VWC2L: variants seen among roughly 807,000 people sequenced by gnomAD.
VWC2L encodes von Willebrand factor C domain containing 2 like.
Under a neutral mutation model 21.6 loss-of-function variants are expected in VWC2L, and 10 were observed. The ratio of observed to expected loss-of-function variants is 0.46; its 90% CI spans 0.29 to 0.78. The LOEUF (loss-of-function observed/expected upper bound fraction) is 0.78. Among genes scored for constraint, VWC2L ranks in the 30% least tolerant of loss-of-function variants. The probability of loss-of-function intolerance (pLI) is 0.10; values close to 1 mark genes in which losing one functional copy is unlikely to be tolerated. For missense variants in VWC2L, 209 were observed against 277.1 expected, an observed-to-expected ratio of 0.75 and a Z score of 1.74; for synonymous variants, 96 against 94.3, an observed-to-expected ratio of 1.02 and a Z score of -0.10.
intron 3 of VWC2L, among the ~76,000 whole-genome samples, chr2:214,479,288 AT>A (rs1401974998): frequency 6.6e-6 from 1 of 152,218 alleles, no homozygotes; most frequent in Non-Finnish European, 1.5e-5. Flanking sequence ...TTCCATAAAA[AT>A]ATCTTATTTT....
intron 3 of VWC2L, among the ~76,000 whole-genome samples, chr2:214,526,855 C>T (rs1689347252): frequency 6.6e-6 from 1 of 152,152 alleles, no homozygotes; most frequent in Non-Finnish European, 1.5e-5. Flanking sequence ...CCCATTACTG[C>T]ATATATAACC....
chr2:214,519,759 G>A (rs1211773607), intron 3 of VWC2L, among the ~76,000 whole-genome samples: 1 of 152,008 alleles, frequency 6.6e-6, no homozygotes, highest in Non-Finnish European at 1.5e-5. Context: ...TGCTCTGAAG[G>A]TGCACATTCA....
At chr2:214,476,643 CA>C (rs774001750) in intron 3 of VWC2L, among the ~76,000 whole-genome samples, 1 of 152,188 alleles carries the variant, frequency 6.6e-6, no homozygotes, top group Non-Finnish European at 1.5e-5. Context: ...AGTGTGGAAA[CA>C]GTGATTAAAA....
intron 2 of VWC2L, among the ~76,000 whole-genome samples, chr2:214,433,537 G>T (rs911271586): frequency 2.6e-5 from 4 of 152,134 alleles, no homozygotes; most frequent in Admixed American, 2.0e-4. Flanking sequence ...GACATTTTCA[G>T]GTTTCATCTA....
intron 3 of VWC2L, among the ~76,000 whole-genome samples, chr2:214,563,817 A>G (rs769672661): frequency 1.5e-4 from 23 of 152,144 alleles, no homozygotes; most frequent in Non-Finnish European, 2.4e-4. Flanking sequence ...CCTATTTAAG[A>G]TAGTATTAGA....
rs543466602 is a variant in VWC2L at position 214,566,398 on chromosome 2, T to C, written c.521-9274T>C. Among the ~76,000 whole-genome samples, 18 of 152,230 alleles carry C rather than the reference T, an allele frequency of 1.2e-4. No homozygotes were observed. The South Asian group carries it at 3.5e-3, about 30-fold the overall frequency. On this transcript the variant is annotated intron_variant, in intron 3 of 3. Transcript: ENST00000312504. ...ACGCCAGCCCTTGCATTTTACTTAA[T>C]TGGAACACCAGGCTATAAATCTTAC...
chr2:214,500,280 G>A (rs1212179928), intron 3 of VWC2L, among the ~76,000 whole-genome samples: 2 of 152,106 alleles, frequency 1.3e-5, no homozygotes, highest in African/African-American at 4.8e-5. Flanking sequence ...AGCTAGTAAT[G>A]GAAACATTTT....
At chr2:214,519,560 T>C (rs917508655) in intron 3 of VWC2L, among the ~76,000 whole-genome samples, 1 of 152,190 alleles carries the variant, frequency 6.6e-6, no homozygotes, top group Non-Finnish European at 1.5e-5. Flanking sequence ...GAAAGAATTT[T>C]CAAGATAAAT....
chr2:214,501,151 G>A (rs1688885284), intron 3 of VWC2L, among the ~76,000 whole-genome samples: 1 of 152,146 alleles, frequency 6.6e-6, no homozygotes, highest in African/African-American at 2.4e-5. Context: ...GCCTACTGGT[G>A]ATGCTGTACT....
chr2:214,461,629 C>T (rs1574577527), intron 3 of VWC2L, among the ~76,000 whole-genome samples: 1 of 152,262 alleles, frequency 6.6e-6, no homozygotes, highest in East Asian at 1.9e-4. Context: ...GGGCAATCCA[C>T]AGGTCCTGGG....
intron 3 of VWC2L, among the ~76,000 whole-genome samples, chr2:214,527,740 T>C (rs910371437): frequency 1.3e-5 from 2 of 152,314 alleles, no homozygotes; most frequent in East Asian, 1.9e-4. Context: ...CTGTTTATTG[T>C]CTAAATAAAC....
intron 3 of VWC2L, among the ~76,000 whole-genome samples, chr2:214,492,529 C>T (rs1444942947): frequency 6.6e-6 from 1 of 152,104 alleles, no homozygotes; most frequent in East Asian, 1.9e-4. Context: ...AATCAGAACC[C>T]AGAGATGACA....
intron 3 of VWC2L, among the ~76,000 whole-genome samples, chr2:214,567,601 G>A (rs1194978512): frequency 6.7e-6 from 1 of 150,128 alleles, no homozygotes; most frequent in African/African-American, 2.5e-5. Context: ...CACACAGAGA[G>A]AGAGAGAGAG....
intron 3 of VWC2L, among the ~76,000 whole-genome samples, chr2:214,545,343 A>T (rs533030516): frequency 2.6e-5 from 4 of 152,324 alleles, no homozygotes; most frequent in African/African-American, 4.8e-5. Flanking sequence ...CAACACACTG[A>T]ATATCAGCCC....
chr2:214,437,541 A>C (rs1702695077), intron 3 of VWC2L, among the ~76,000 whole-genome samples: 1 of 152,162 alleles, frequency 6.6e-6, no homozygotes, highest in Non-Finnish European at 1.5e-5. Flanking sequence ...ATAATTCTTT[A>C]CTAGGCCACA....
At chr2:214,436,496 C>T in intron 2 of VWC2L, 133 bp from the exon 3 acceptor site, 3 of 1,170,646 alleles carry the variant, frequency 2.6e-6, no homozygotes, top group African/African-American at 3.1e-5. Context: ...GGAGAATGAT[C>T]GTAGACATGG....
intron 3 of VWC2L, among the ~76,000 whole-genome samples, chr2:214,522,361 C>G (rs369287127): frequency 9.8e-4 from 118 of 120,192 alleles, no homozygotes; most frequent in Non-Finnish European, 1.4e-3. Flanking sequence ...GGGGACAGAG[C>G]GAGACCCCGT....
intron 3 of VWC2L, among the ~76,000 whole-genome samples, chr2:214,486,980 A>G (rs1009285993): frequency 1.3e-5 from 2 of 152,338 alleles, no homozygotes; most frequent in Admixed American, 1.3e-4. Flanking sequence ...GTAAAGAGGT[A>G]ATCATGTTTA....
At chr2:214,439,611 GT>G (rs1321639226) in intron 3 of VWC2L, among the ~76,000 whole-genome samples, 1 of 151,780 alleles carries the variant, frequency 6.6e-6, no homozygotes, top group East Asian at 1.9e-4. Flanking sequence ...AAATACTTTG[GT>G]TTTTCATATT....
Sources: gnomAD v4.1 joint callset for allele counts (sites outside exome capture counted in the v4.1 genomes callset) on GRCh38, gnomAD v4.1.1 for gene constraint, MANE v1.5 for transcripts, NCBI Gene and HGNC (gene_info 2026-07-23, HGNC 2026-07-21) for gene names.